Variants in BTN3A2 observed in about 807,000 individuals in gnomAD.
BTN3A2 encodes the protein butyrophilin subfamily 3 member A2, also known as butyrophilin protein.
BTN3A2 carries 25 observed loss-of-function variants against 37.6 expected under a neutral mutation model. The observed-to-expected ratio is 0.66, with a 90% CI of 0.48 to 0.93. The LOEUF is 0.93. Among genes scored for constraint, BTN3A2 ranks in the 40% least tolerant of loss-of-function variants. The pLI is 0.00. For missense variants in BTN3A2, 266 were observed against 410.9 expected, an observed-to-expected ratio of 0.65 and a Z score of 3.05; for synonymous variants, 122 against 159.4, an observed-to-expected ratio of 0.77 and a Z score of 1.77.
intron 1 of BTN3A2, among the ~76,000 whole-genome samples, chr6:26,367,302 CT>C (rs1482966237): frequency 6.6e-6 from 1 of 152,176 alleles, no homozygotes; most frequent in African/African-American, 2.4e-5. Flanking sequence ...AAAAATAGTG[CT>C]GCAGTGTCAT....
At chr6:26,375,494 C>A in intron 10 of BTN3A2, 1 of 727,716 alleles carries the variant, frequency 1.4e-6, no homozygotes, top group Non-Finnish European at 2.2e-6. Context: ...TCCTTTCTTT[C>A]TCCTTCTAAT....
chr6:26,366,190 T>C (rs2113668507), intron 1 of BTN3A2, among the ~76,000 whole-genome samples: 1 of 150,870 alleles, frequency 6.6e-6, no homozygotes, highest in Admixed American at 6.6e-5. Flanking sequence ...AACAAACAAA[T>C]AAAAAACCCG....
In BTN3A2 at chr6:26,376,263, A is replaced by C. The variant is rs1760708866; in HGVS notation, c.*501A>C. ...AAAAGAAAATTAACCTCTGAGTATAAAGCATCAGTGGGCAGAATCAATGTG... is the reference window on the plus strand; with the variant it reads ...AAAAGAAAATTAACCTCTGAGTATACAGCATCAGTGGGCAGAATCAATGTG... On this transcript the variant is annotated 3_prime_UTR_variant, in exon 11 of 11. Coordinates refer to ENST00000377708, the MANE Select transcript of BTN3A2 (RefSeq NM_007047.5). 5.3e-6 allele frequency: 1 copy of C among 190,342 alleles called. No individual in the cohort carries two copies. The highest frequency in any genetic ancestry group is 2.4e-5 in the African/African-American group (1 of 41,988). The allele number at this position is 190,342 out of a possible 1,614,324, so 11.8% of individuals were successfully genotyped here.
Position 26,370,473 on chromosome 6 carries a change from T to C in BTN3A2, c.585T>C (p.Val195=). ...TCCCAGCTGTGGAAGCACCTGTGGT[T>C]GCAGATGGAGTGGGCCTATATGAAG... ...ENIPAVEAPV[V]ADGVGLYEVA... is the part of the protein sequence containing the mutation. Residue 195 remains valine, a synonymous_variant, in exon 5 of 11, where the codon GTT becomes GTC. Coordinates refer to ENST00000377708, the MANE Select transcript of BTN3A2 (RefSeq NM_007047.5). 1 of 1,614,226 alleles carries C rather than the reference T, an allele frequency of 6.2e-7. No individual in the cohort carries two copies. Among genetic ancestry groups the C allele is most frequent in the Admixed American group, 1.7e-5 (1 of 60,028 alleles).
chr6:26,374,446 G>C (rs953972173), intron 9 of BTN3A2, 73 bp downstream of exon 9: 3 of 1,449,274 alleles, frequency 2.1e-6, no homozygotes, highest in Non-Finnish European at 2.9e-6. Context: ...GTTCTCAGCT[G>C]GATTAATTAG....
intron 8 of BTN3A2, 63 bp from the exon 9 acceptor site, chr6:26,374,264 G>T: frequency 9.0e-7 from 1 of 1,114,644 alleles, no homozygotes; most frequent in Non-Finnish European, 1.3e-6. Flanking sequence ...CAAAAAGAAG[G>T]GGAAGGGGCC....
chr6:26,375,378 G>T, intron 10 of BTN3A2: 1 of 405,944 alleles, frequency 2.5e-6, no homozygotes, highest in East Asian at 4.2e-5. Flanking sequence ...CCCAGAGAAA[G>T]AGGTAGCTTA....
rs774129855 is a variant in BTN3A2, at chr6:26,372,991, G to A, written c.810G>A (p.Leu270=). The change falls in exon 6 of 11, where the codon TTG becomes TTA. Residue 270 remains leucine, a synonymous_variant. Coordinates refer to ENST00000377708, the MANE Select transcript of BTN3A2 (RefSeq NM_007047.5). ...LLLLAGASYF[L]WRQQKEITAL... ...TTCTCGCCGGAGCCAGTTACTTCTT[G>A]TGGAGACAACAGAAGGAAATAACTG... 4.3e-6 allele frequency: 7 copies of A among 1,614,106 alleles called. No homozygotes were observed. Among genetic ancestry groups the A allele is most frequent in the Non-Finnish European group, 5.9e-6 (7 of 1,180,050 alleles).
At chr6:26,365,803 T>C (rs1762013110) in intron 1 of BTN3A2, among the ~76,000 whole-genome samples, 1 of 152,188 alleles carries the variant, frequency 6.6e-6, no homozygotes, top group Admixed American at 6.5e-5. Flanking sequence ...CCTCATAGAT[T>C]TATATGTAAA....
rs369456076 is a variant in BTN3A2, at chr6:26,377,794, A to G, written c.*2032A>G. 2.0e-4 allele frequency: 31 copies of G among 158,618 alleles called. No homozygotes were observed. The South Asian group carries it at 2.7e-3, about 14-fold the overall frequency. 9.8% of individuals were successfully genotyped at this position (158,618 alleles called of 1,614,324 possible). A position where few individuals can be genotyped will look rare whatever the true frequency, so the allele number is the denominator to read the frequency against. Reference sequence around the variant, plus strand: ...GAGTGGTTGTGGAGTTAAGACCCCTATGGACTCCTTCCCAGCTGATTATCA... The same window carrying G: ...GAGTGGTTGTGGAGTTAAGACCCCTGTGGACTCCTTCCCAGCTGATTATCA... On this transcript the variant is annotated 3_prime_UTR_variant, in exon 11 of 11. Transcript: ENST00000377708.
At chr6:26,369,586 T>C (rs1258777101) in intron 4 of BTN3A2, among the ~76,000 whole-genome samples, 1 of 152,020 alleles carries the variant, frequency 6.6e-6, no homozygotes, top group Non-Finnish European at 1.5e-5. Context: ...CAATCTTATG[T>C]AGGAAGAAGG....
chr6:26,374,469 G>C, intron 9 of BTN3A2, 96 bp downstream of exon 9: 1 of 1,356,118 alleles, frequency 7.4e-7, no homozygotes, highest in Non-Finnish European at 1.0e-6. Flanking sequence ...CTAATCTAAA[G>C]ACTCAATTTC....
intron 5 of BTN3A2, 83 bp from the exon 6 acceptor site, chr6:26,372,814 C>T (rs1178783525): frequency 6.5e-7 from 1 of 1,540,004 alleles, no homozygotes; most frequent in Admixed American, 1.7e-5. Flanking sequence ...CCGACCTGAG[C>T]TGAGCAGCTA....
intron 4 of BTN3A2, among the ~76,000 whole-genome samples, chr6:26,369,116 A>G (rs1455814472): frequency 6.6e-6 from 1 of 152,096 alleles, no homozygotes; most frequent in African/African-American, 2.4e-5. Flanking sequence ...TACATGCTCA[A>G]GTAAAGAACT....
At chr6:26,375,254 A>G in intron 10 of BTN3A2, 1 of 240,220 alleles carries the variant, frequency 4.2e-6, no homozygotes, top group Non-Finnish European at 7.9e-6. Context: ...TTCCAGAAAG[A>G]AGGGTTAAGG....
chr6:26,375,734 G>A, intron 10 of BTN3A2, 63 bp from the exon 11 acceptor site: 1 of 1,547,334 alleles, frequency 6.5e-7, no homozygotes. Flanking sequence ...GCTGTGGGCT[G>A]AGTAAATAAT....
rs1030503211 is a variant in BTN3A2 at position 26,365,235 on chromosome 6, G to T, written c.-184G>T. The T allele has an allele frequency of 1.4e-4, 202 of 1,401,134 alleles. No homozygotes were observed. The highest frequency in any genetic ancestry group is 1.2e-3 in the Middle Eastern group (7 of 5,668). The allele number at this position is 1,401,134 out of a possible 1,614,324, so 86.8% of individuals were successfully genotyped here. On this transcript the variant is annotated 5_prime_UTR_variant, in exon 1 of 11. Transcript: ENST00000377708. ...TTCTCATGGTGAGAAGACAATATTT[G>T]CTTTCTCTTTTTCCTTTCTTCCGGA...
chr6:26,375,128 G>T (rs1309678041), intron 10 of BTN3A2: 3 of 268,496 alleles, frequency 1.1e-5, no homozygotes, highest in Non-Finnish European at 2.1e-5. Context: ...TTTAGATGAT[G>T]ATTGCAATCT....
intron 6 of BTN3A2, 40 bp from the exon 7 acceptor site, chr6:26,373,236 T>TC: frequency 7.6e-7 from 1 of 1,321,938 alleles, no homozygotes; most frequent in Non-Finnish European, 1.0e-6. Context: ...TAACAGTTCA[T>TC]CTTTTTTTTT....
Sources: allele counts gnomAD v4.1 joint callset (sites outside exome capture counted in the v4.1 genomes callset), GRCh38; gene constraint gnomAD v4.1.1; transcripts MANE v1.5; gene names NCBI Gene and HGNC (gene_info 2026-07-23, HGNC 2026-07-21).